PPARD: variants seen among roughly 807,000 people sequenced by gnomAD.
PPARD encodes the protein peroxisome proliferator-activated receptor delta.
PPARD carries 6 observed loss-of-function variants against 39.5 expected under a neutral mutation model. The ratio of observed to expected loss-of-function variants is 0.15; its 90% CI spans 0.08 to 0.30. The LOEUF (loss-of-function observed/expected upper bound fraction) is 0.30, where lower values mean the gene tolerates loss of function less well. PPARD is among the 10% of genes least tolerant of loss of function. The pLI, the probability that PPARD is intolerant of heterozygous loss-of-function variation, is 1.00. For synonymous variants in PPARD, 210 were observed against 231.3 expected (o/e 0.91, Z 0.83); for missense variants, 397 against 596.8 (o/e 0.67, Z 3.49).
chr6:35,358,392 T>C lies in PPARD; in HGVS notation c.-102+11242T>C, dbSNP rs117383401. On this transcript the variant is annotated intron_variant, in intron 2 of 7. Coordinates refer to ENST00000360694, the MANE Select transcript of PPARD (RefSeq NM_006238.5). ...AAACTAATTTTGAATTTCTGACCTC[T>C]AGAACTGTAAGAGAATAAATGTGTT... Among the ~76,000 whole-genome samples the C allele has an allele frequency of 1.2e-3, 178 of 152,370 alleles. No homozygotes were observed. In the East Asian group the frequency reaches 0.015, roughly 13 times the overall value.
intron 1 of PPARD, among the ~76,000 whole-genome samples, chr6:35,345,867 T>G (rs1350176644): frequency 6.6e-6 from 1 of 150,838 alleles, no homozygotes; most frequent in Non-Finnish European, 1.5e-5. Context: ...CCTGTCACTT[T>G]TTTTTCGTTT....
In PPARD at chr6:35,387,514, G is replaced by C. The variant is rs1473053975; in HGVS notation, c.-101-23473G>C. ...CCACCCCAGCCCCAGGGGTGAAGGT[G>C]AAGGTGATTGGTTTCCTGGGTATCG... On this transcript the variant is annotated intron_variant, in intron 2 of 7. Coordinates refer to ENST00000360694, the MANE Select transcript of PPARD (RefSeq NM_006238.5). Among the ~76,000 whole-genome samples, 3 of 152,160 alleles carry C rather than the reference G, an allele frequency of 2.0e-5. No homozygotes were observed. In the East Asian group the frequency reaches 5.8e-4, roughly 29 times the overall value.
chr6:35,372,714 C>G (rs1762571102), intron 2 of PPARD, among the ~76,000 whole-genome samples: 1 of 152,154 alleles, frequency 6.6e-6, no homozygotes, highest in African/African-American at 2.4e-5. Context: ...GGAATTATGC[C>G]TATATGAGAT....
intron 2 of PPARD, among the ~76,000 whole-genome samples, chr6:35,350,557 G>A (rs1319610485): frequency 6.7e-6 from 1 of 150,010 alleles, no homozygotes; most frequent in Non-Finnish European, 1.5e-5. Flanking sequence ...TGAGTTCACT[G>A]TAGATGTGTG....
chr6:35,368,326 C>A (rs753171069), intron 2 of PPARD, among the ~76,000 whole-genome samples: 3 of 152,252 alleles, frequency 2.0e-5, no homozygotes, highest in Non-Finnish European at 2.9e-5. Flanking sequence ...CCTTTTGATG[C>A]ACAGTGCTCA....
intron 2 of PPARD, among the ~76,000 whole-genome samples, chr6:35,404,122 C>G (rs1764872417): frequency 6.6e-6 from 1 of 152,146 alleles, no homozygotes; most frequent in Admixed American, 6.5e-5. Flanking sequence ...CAAGGACATG[C>G]CAGCTCCTGG....
At chr6:35,383,910 C>T (rs1253214211) in intron 2 of PPARD, among the ~76,000 whole-genome samples, 5 of 144,632 alleles carry the variant, frequency 3.5e-5, no homozygotes, top group Non-Finnish European at 5.9e-5. Context: ...CGTCTCCGCC[C>T]GGCAGCCACC....
chr6:35,422,076 G>C, intron 5 of PPARD, 118 bp downstream of exon 5: 1 of 1,257,114 alleles, frequency 8.0e-7, no homozygotes, highest in Non-Finnish European at 1.1e-6. Flanking sequence ...CTGGCGCACA[G>C]TAAGCACCAT....
intron 2 of PPARD, among the ~76,000 whole-genome samples, chr6:35,392,286 A>G (rs913202466): frequency 2.0e-5 from 3 of 152,134 alleles, no homozygotes; most frequent in African/African-American, 7.2e-5. Flanking sequence ...GCCCAAAGCA[A>G]ACTGGTTCCT....
At chr6:35,423,054 CAAAAAA>C (rs56317397) in intron 5 of PPARD, among the ~76,000 whole-genome samples, 53 of 71,720 alleles carry the variant, frequency 7.4e-4, no homozygotes, top group South Asian at 2.8e-3. Context: ...CTCATCTCTA[CAAAAAA>C]AAAAAAAAAA....
At chr6:35,413,408 G>A (rs1290145750) in intron 3 of PPARD, among the ~76,000 whole-genome samples, 1 of 152,156 alleles carries the variant, frequency 6.6e-6, no homozygotes. Context: ...AGGAGAGAGG[G>A]TTACTTGACA....
chr6:35,380,228 G>T (rs1005330624), intron 2 of PPARD, among the ~76,000 whole-genome samples: 1 of 152,168 alleles, frequency 6.6e-6, no homozygotes, highest in Admixed American at 6.5e-5. Flanking sequence ...GCTCCATTAG[G>T]TCATGAGCAA....
intron 2 of PPARD, among the ~76,000 whole-genome samples, chr6:35,380,460 T>TTTTTTTTTGTGTGTG (rs1763071969): frequency 1.0e-3 from 2 of 1,932 alleles, no homozygotes; most frequent in East Asian, 0.071. Context: ...TAACCTCGTG[T>TTTTTTTTTGTGTGTG]TTTTTTTTTT....
At chr6:35,343,136 A>G (rs964883216) in intron 1 of PPARD, among the ~76,000 whole-genome samples, 1 of 151,714 alleles carries the variant, frequency 6.6e-6, no homozygotes, top group Non-Finnish European at 1.5e-5. Flanking sequence ...CTTCTCTGGG[A>G]TCTTTTCCTC....
intron 3 of PPARD, among the ~76,000 whole-genome samples, chr6:35,416,487 C>T (rs1446662090): frequency 1.3e-5 from 2 of 151,632 alleles, no homozygotes; most frequent in Admixed American, 1.3e-4. Flanking sequence ...ACCAACATAG[C>T]CGCTGCCAGC....
chr6:35,391,119 C>T (rs1763977196), intron 2 of PPARD, among the ~76,000 whole-genome samples: 1 of 152,062 alleles, frequency 6.6e-6, no homozygotes, highest in Admixed American at 6.6e-5. Flanking sequence ...ATTTCATTAG[C>T]ATGTAAAAAT....
At chr6:35,385,757 G>A (rs939150758) in intron 2 of PPARD, among the ~76,000 whole-genome samples, 3 of 151,874 alleles carry the variant, frequency 2.0e-5, no homozygotes, top group Non-Finnish European at 2.9e-5. Context: ...AGGCCCCTGC[G>A]AGGCCTCCGT....
At chr6:35,397,768 A>G (rs560587118) in intron 2 of PPARD, among the ~76,000 whole-genome samples, 1 of 152,356 alleles carries the variant, frequency 6.6e-6, no homozygotes, top group South Asian at 2.1e-4. Context: ...AGATAGCCAT[A>G]AGACGGATGG....
chr6:35,396,531 A>G (rs1418713092), intron 2 of PPARD, among the ~76,000 whole-genome samples: 1 of 121,870 alleles, frequency 8.2e-6, no homozygotes. Context: ...AATTGTTTTT[A>G]TTAAAAAAAA....
Sources: allele counts gnomAD v4.1 joint callset (sites outside exome capture counted in the v4.1 genomes callset), GRCh38; gene constraint gnomAD v4.1.1; transcripts MANE v1.5; gene names NCBI Gene and HGNC (gene_info 2026-07-23, HGNC 2026-07-21).